FBXO47: variants seen among roughly 807,000 people sequenced by gnomAD.
The protein encoded by FBXO47 is F-box protein 47, also known as F-box only protein 47.
FBXO47 carries 34 observed loss-of-function variants against 53.9 expected under a neutral mutation model. The ratio of observed to expected loss-of-function variants is 0.63; its 90% confidence interval spans 0.48 to 0.84. FBXO47 has a LOEUF of 0.84. FBXO47 is among the 40% of genes least tolerant of loss of function. The probability of loss-of-function intolerance (pLI) is 0.00; values close to 1 mark genes in which losing one functional copy is unlikely to be tolerated. For missense variants in FBXO47, 485 were observed against 541.3 expected (o/e 0.90, Z 1.03); for synonymous variants, 165 against 181.6 (o/e 0.91, Z 0.73).
chr17:38,939,567 G>T (rs1383075965), intron 9 of FBXO47, among the ~76,000 whole-genome samples: 2 of 148,542 alleles, frequency 1.3e-5, no homozygotes, highest in East Asian at 3.9e-4. Context: ...GAATTTTAGG[G>T]AATATTTGTT....
intron 9 of FBXO47, among the ~76,000 whole-genome samples, chr17:38,940,220 G>A (rs1347013460): frequency 6.6e-6 from 1 of 151,842 alleles, no homozygotes; most frequent in African/African-American, 2.4e-5. Flanking sequence ...AGTGGCTTAA[G>A]GACACTAATA....
chr17:38,943,458 T>C (rs1598137160), intron 8 of FBXO47, 132 bp downstream of exon 8: 1 of 542,440 alleles, frequency 1.8e-6, no homozygotes, highest in Non-Finnish European at 3.0e-6. Context: ...CCAAACTCTT[T>C]AAATATTTTA....
chr17:38,947,778 C>T (rs532271068), intron 6 of FBXO47, among the ~76,000 whole-genome samples: 9 of 152,034 alleles, frequency 5.9e-5, no homozygotes, highest in Middle Eastern at 3.4e-3. Flanking sequence ...GGTGTGGTGG[C>T]GGGCACCTGT....
rs1411526399 is a variant in FBXO47, at chr17:38,944,066, CAGCT to C, written c.794-334_794-331del. Among the ~76,000 whole-genome samples, 13 of 151,978 alleles carry C rather than the reference CAGCT, an allele frequency of 8.6e-5. No individual in the cohort carries two copies. The East Asian group carries it at 1.9e-3, about 23-fold the overall frequency. ...GCATGGTGGTGCACGCCTGTAGTCC[CAGCT>C]ACTCAGGAGGCTGAGGCACGAGAAT... On this transcript the variant is annotated intron_variant, in intron 7 of 10. Coordinates refer to ENST00000378079, the MANE Select transcript of FBXO47 (RefSeq NM_001008777.3).
At chr17:38,945,277 C>A in intron 6 of FBXO47, 141 bp from the exon 7 acceptor site, 1 of 606,922 alleles carries the variant, frequency 1.6e-6, no homozygotes, top group African/African-American at 1.9e-5. Flanking sequence ...AAGAGATTAT[C>A]TATTCTTAAA....
chr17:38,941,680 G>A (rs998240271), intron 9 of FBXO47, among the ~76,000 whole-genome samples: 2 of 147,982 alleles, frequency 1.4e-5, no homozygotes, highest in African/African-American at 5.0e-5. Flanking sequence ...GCGTGTGTGT[G>A]TGTATTGAGA....
intron 6 of FBXO47, among the ~76,000 whole-genome samples, chr17:38,950,299 T>G (rs1905208422): frequency 6.6e-6 from 1 of 151,998 alleles, no homozygotes; most frequent in Non-Finnish European, 1.5e-5. Context: ...CTGGCTTCTC[T>G]CACTTAGCAT....
chr17:38,957,069 G>A, intron 4 of FBXO47, 108 bp downstream of exon 4: 1 of 652,710 alleles, frequency 1.5e-6, no homozygotes, highest in Non-Finnish European at 2.6e-6. Context: ...ATTTTTTAGT[G>A]CTAATTCATG....
intron 4 of FBXO47, among the ~76,000 whole-genome samples, chr17:38,956,566 T>C (rs960449833): frequency 7.1e-6 from 1 of 141,560 alleles, no homozygotes; most frequent in African/African-American, 2.7e-5. Flanking sequence ...CCAGCCTGGG[T>C]GACAAGAGCG....
At chr17:38,965,340 G>A (rs2143978478) in intron 1 of FBXO47, among the ~76,000 whole-genome samples, 1 of 152,168 alleles carries the variant, frequency 6.6e-6, no homozygotes, top group Non-Finnish European at 1.5e-5. Flanking sequence ...ATTGTATCTG[G>A]CCAAAATGCA....
rs760058398 is a variant in FBXO47, at chr17:38,951,676, C to A, written c.521G>T (p.Gly174Val). 1.2e-6 allele frequency: 2 copies of A among 1,612,562 alleles called. No individual in the cohort carries two copies. The highest frequency in any genetic ancestry group is 2.2e-5 in the South Asian group (2 of 90,996). ...GCGATGGCACTCAAGTTCATCCCAACCTGCTGTTAAGGTCTGAGGAAAATA... is the reference window on the plus strand; with the variant it reads ...GCGATGGCACTCAAGTTCATCCCAAACTGCTGTTAAGGTCTGAGGAAAATA... ...YGMFLQTLTA[G>V]WDELECHRVY... is the part of the protein sequence containing the mutation. The change falls in exon 6 of 11, where the codon GGT becomes GTT. Residue 174 changes from glycine (G) to valine (V), a missense_variant. Coordinates refer to ENST00000378079, the MANE Select transcript of FBXO47 (RefSeq NM_001008777.3).
intron 9 of FBXO47, among the ~76,000 whole-genome samples, chr17:38,941,967 C>T (rs948435180): frequency 1.8e-4 from 28 of 151,906 alleles, no homozygotes; most frequent in Middle Eastern, 3.4e-3. Context: ...TGAGCCATCC[C>T]GTCCGGCCTA....
chr17:38,939,041 C>G (rs1904373672), intron 9 of FBXO47, among the ~76,000 whole-genome samples: 1 of 151,772 alleles, frequency 6.6e-6, no homozygotes, highest in African/African-American at 2.4e-5. Flanking sequence ...TGCCTGTAAT[C>G]CCAGAACTTT....
chr17:38,957,624 C>T (rs1044671883), intron 3 of FBXO47, among the ~76,000 whole-genome samples: 2 of 151,908 alleles, frequency 1.3e-5, no homozygotes, highest in African/African-American at 4.8e-5. Context: ...TTGAAATTAA[C>T]CTCATGTCCA....
chr17:38,947,281 CA>C (rs1238421969), intron 6 of FBXO47, among the ~76,000 whole-genome samples: 8 of 151,454 alleles, frequency 5.3e-5, no homozygotes, highest in Non-Finnish European at 1.2e-4. Flanking sequence ...GCCTGGGTGA[CA>C]GAGCTAGACT....
At position 38,946,279 on chromosome 17, in the gene FBXO47, TATATATAAATATATAAAAATATATATAA is replaced by T. The variant is rs1414563804; in HGVS notation, c.617-1171_617-1144del. ...AAATATGTATAAATATATATAAAAA[TATATATAAATATATAAAAATATATATAA>T]ATATATAAATATATATAAATATATA... On this transcript the variant is annotated intron_variant, in intron 6 of 10. Transcript: ENST00000378079. 4.8e-3 allele frequency among the ~76,000 whole-genome samples: 450 copies of T among 93,696 alleles called. 3 individuals are homozygous for T. The highest frequency in any genetic ancestry group is 6.4e-3 in the Non-Finnish European group (336 of 52,386). The allele number at this position is 93,696 out of a possible 152,430, so 61.5% of individuals were successfully genotyped here.
chr17:38,962,170 T>TTTTCCCAAA, intron 2 of FBXO47, 123 bp from the exon 3 acceptor site: 1 of 814,016 alleles, frequency 1.2e-6, no homozygotes. Flanking sequence ...ATCATCCCTT[T>TTTTCCCAAA]GGGAAAAAAG....
intron 5 of FBXO47, 106 bp downstream of exon 5, chr17:38,954,746 CTTTT>C (rs1463405959): frequency 1.7e-6 from 1 of 574,694 alleles, no homozygotes; most frequent in Non-Finnish European, 2.9e-6. Context: ...TTATTTTGCT[CTTTT>C]TAAGATTATT....
chr17:38,960,526 G>A (rs1905769626), intron 3 of FBXO47, among the ~76,000 whole-genome samples: 2 of 152,074 alleles, frequency 1.3e-5, no homozygotes, highest in South Asian at 4.1e-4. Context: ...GACTTGATCA[G>A]GGAGAAAAAT....
Sources: gnomAD v4.1 joint callset for allele counts (sites outside exome capture counted in the v4.1 genomes callset) on GRCh38, gnomAD v4.1.1 for gene constraint, MANE v1.5 for transcripts, NCBI Gene and HGNC (gene_info 2026-07-23, HGNC 2026-07-21) for gene names.